The following CNIH3 variants were observed in gnomAD, a reference collection of about 807,000 sequenced individuals.
CNIH3 encodes protein cornichon homolog 3.
Under a neutral mutation model 24.1 loss-of-function variants are expected in CNIH3, and 14 were observed. The observed-to-expected ratio is 0.58, with a 90% CI of 0.38 to 0.91. CNIH3 has a LOEUF of 0.91. Among genes scored for constraint, CNIH3 ranks in the 40% least tolerant of loss-of-function variants. The probability of loss-of-function intolerance (pLI) is 0.00; values close to 1 mark genes in which losing one functional copy is unlikely to be tolerated. For synonymous variants in CNIH3, 68 were observed against 73.8 expected, an observed-to-expected ratio of 0.92 and a Z score of 0.40; for missense variants, 178 against 196.8, an observed-to-expected ratio of 0.90 and a Z score of 0.57.
chr1:224,603,620 G>A (rs772839580), intron 3 of CNIH3, among the ~76,000 whole-genome samples: 4 of 152,212 alleles, frequency 2.6e-5, no homozygotes, highest in African/African-American at 4.8e-5. Flanking sequence ...ATTTACATTA[G>A]TAGCACTGGT....
chr1:224,563,430 G>A (rs1680454384), intron 3 of CNIH3, among the ~76,000 whole-genome samples: 1 of 151,386 alleles, frequency 6.6e-6, no homozygotes, highest in African/African-American at 2.4e-5. Flanking sequence ...GCAGAAGAAG[G>A]ACAATACTAC....
At chr1:224,437,914 T>C (rs2102939450) in intron 1 of CNIH3, among the ~76,000 whole-genome samples, 1 of 16,828 alleles carries the variant, frequency 5.9e-5, no homozygotes, top group Non-Finnish European at 1.2e-4. Context: ...CCACGGCAAC[T>C]ATTTTTTTTT....
chr1:224,724,124 C>G (rs999689915), intron 3 of CNIH3, among the ~76,000 whole-genome samples: 1 of 152,210 alleles, frequency 6.6e-6, no homozygotes, highest in Non-Finnish European at 1.5e-5. Flanking sequence ...GCTTATGTAG[C>G]AGAGCCTTTG....
chr1:224,495,561 C>T (rs1677404529), intron 1 of CNIH3, among the ~76,000 whole-genome samples: 1 of 152,140 alleles, frequency 6.6e-6, no homozygotes, highest in South Asian at 2.1e-4. Context: ...ATGAATGAAT[C>T]ACTCCATAGA....
At chr1:224,488,259 C>T (rs1421514372) in intron 1 of CNIH3, among the ~76,000 whole-genome samples, 1 of 152,050 alleles carries the variant, frequency 6.6e-6, no homozygotes, top group Non-Finnish European at 1.5e-5. Flanking sequence ...TTCTATTTCA[C>T]TCCTTTTGGT....
At chr1:224,468,584 C>T (rs1211268866) in intron 1 of CNIH3, among the ~76,000 whole-genome samples, 1 of 151,946 alleles carries the variant, frequency 6.6e-6, no homozygotes, top group South Asian at 2.1e-4. Context: ...AGATAATTGT[C>T]ATCTACAAAT....
rs552418857 is a variant in CNIH3 at position 224,653,294 on chromosome 1, C to T, written c.82-27664C>T. ...AAAATTAGCCTGGCGTGGTGGCACACGCCTATAATCCCAGCTACTTGGGAG... is the reference window on the plus strand; with the variant it reads ...AAAATTAGCCTGGCGTGGTGGCACATGCCTATAATCCCAGCTACTTGGGAG... On this transcript the variant is annotated intron_variant, in intron 1 of 5. Transcript: ENST00000272133. Among the ~76,000 whole-genome samples the T allele has an allele frequency of 3.6e-4, 55 of 152,144 alleles. No individual in the cohort carries two copies. The East Asian group carries it at 7.8e-3, about 21-fold the overall frequency.
intron 3 of CNIH3, among the ~76,000 whole-genome samples, chr1:224,722,787 G>C (rs1313008091): frequency 6.6e-6 from 1 of 152,164 alleles, no homozygotes; most frequent in Non-Finnish European, 1.5e-5. Context: ...TGGGAGGCAG[G>C]GTGGGAACAG....
At chr1:224,490,875 A>C (rs573920760) in intron 1 of CNIH3, among the ~76,000 whole-genome samples, 3 of 152,166 alleles carry the variant, frequency 2.0e-5, no homozygotes, top group Non-Finnish European at 2.9e-5. Flanking sequence ...AATTTAAGAC[A>C]AAAAAAAGAG....
At chr1:224,702,091 GTTTTT>G (rs34747065) in intron 3 of CNIH3, among the ~76,000 whole-genome samples, 1 of 151,090 alleles carries the variant, frequency 6.6e-6, no homozygotes, top group South Asian at 2.1e-4. Flanking sequence ...CTCCAGCTCA[GTTTTT>G]TTTTTGTTTC....
intron 3 of CNIH3, among the ~76,000 whole-genome samples, chr1:224,720,764 G>A (rs1275700233): frequency 6.6e-6 from 1 of 152,136 alleles, no homozygotes; most frequent in Non-Finnish European, 1.5e-5. Context: ...AAGTCTCCCA[G>A]GTTTAAAAAG....
At chr1:224,528,383 T>C (rs942470960) in intron 2 of CNIH3, among the ~76,000 whole-genome samples, 1 of 152,204 alleles carries the variant, frequency 6.6e-6, no homozygotes, top group African/African-American at 2.4e-5. Context: ...TGCAGTGGTG[T>C]GATCATGGCT....
chr1:224,708,320 C>T (rs1340417157), intron 3 of CNIH3, among the ~76,000 whole-genome samples: 2 of 152,164 alleles, frequency 1.3e-5, no homozygotes, highest in African/African-American at 4.8e-5. Context: ...AGATCAGCTC[C>T]CTCTTTTGAG....
intron 5 of CNIH3, among the ~76,000 whole-genome samples, chr1:224,735,600 G>T (rs1689554054): frequency 6.6e-6 from 1 of 152,124 alleles, no homozygotes; most frequent in Non-Finnish European, 1.5e-5. Context: ...GGTTTGGATT[G>T]GGCTGTGGCA....
At chr1:224,672,136 G>T (rs1685895768) in intron 1 of CNIH3, among the ~76,000 whole-genome samples, 1 of 152,036 alleles carries the variant, frequency 6.6e-6, no homozygotes, top group African/African-American at 2.4e-5. Context: ...GCTCTTTTGG[G>T]GACAAGACAG....
rs189415144 is a variant in CNIH3, at chr1:224,501,544, A to G, written n.204-14197A>G. Reference sequence around the variant, plus strand: ...ATATATATTTTTTTTTTTTAACCCCAGAGTTCATGTTCTTAATCATGATAA... The same window carrying G: ...ATATATATTTTTTTTTTTTAACCCCGGAGTTCATGTTCTTAATCATGATAA... On this transcript the variant is annotated intron_variant and non_coding_transcript_variant, in intron 1 of 5. Transcript: ENST00000471578. 9.5e-4 allele frequency among the ~76,000 whole-genome samples: 142 copies of G among 148,892 alleles called. 1 individual carries two copies. The highest frequency in any genetic ancestry group is 3.4e-3 in the African/African-American group (139 of 40,448).
At chr1:224,477,772 A>G (rs924316007) in intron 1 of CNIH3, among the ~76,000 whole-genome samples, 1 of 152,152 alleles carries the variant, frequency 6.6e-6, no homozygotes, top group Non-Finnish European at 1.5e-5. Flanking sequence ...GTACCTTCAG[A>G]TAATTTCTTA....
intron 3 of CNIH3, among the ~76,000 whole-genome samples, chr1:224,600,970 C>T (rs1682183033): frequency 6.6e-6 from 1 of 152,210 alleles, no homozygotes; most frequent in South Asian, 2.1e-4. Context: ...AACAGGTCTG[C>T]AGCAACCTCA....
chr1:224,529,937 G>C (rs1360494405), intron 2 of CNIH3, among the ~76,000 whole-genome samples: 2 of 152,242 alleles, frequency 1.3e-5, no homozygotes, highest in South Asian at 4.2e-4. Context: ...AGACTTTTTG[G>C]CCAACATGGA....
Sources: allele counts gnomAD v4.1 joint callset (sites outside exome capture counted in the v4.1 genomes callset), GRCh38; gene constraint gnomAD v4.1.1; transcripts MANE v1.5; gene names NCBI Gene and HGNC (gene_info 2026-07-23, HGNC 2026-07-21).